SLC7A8: variants seen among roughly 807,000 people sequenced by gnomAD.
SLC7A8 encodes the protein solute carrier family 7 member 8.
Under a neutral mutation model 51.2 loss-of-function variants are expected in SLC7A8, and 30 were observed. That is an observed-to-expected ratio of 0.59 (90% CI 0.44 to 0.80). The LOEUF is 0.80. SLC7A8 is among the 30% of genes least tolerant of loss of function. The pLI is 0.00. For synonymous variants in SLC7A8, 257 were observed against 275.8 expected, an observed-to-expected ratio of 0.93 and a Z score of 0.67; for missense variants, 612 against 674.4, an observed-to-expected ratio of 0.91 and a Z score of 1.03.
At chr14:23,167,385 A>G (rs781303140) in intron 1 of SLC7A8, among the ~76,000 whole-genome samples, 7 of 152,158 alleles carry the variant, frequency 4.6e-5, no homozygotes, top group Non-Finnish European at 8.8e-5. Flanking sequence ...AGAGGGGTTA[A>G]GTGGCTTTCT....
At chr14:23,150,404 C>G (rs913114315) in intron 3 of SLC7A8, among the ~76,000 whole-genome samples, 4 of 152,152 alleles carry the variant, frequency 2.6e-5, no homozygotes, top group African/African-American at 9.7e-5. Context: ...GGAGGAGGAT[C>G]ACCAGCAGCA....
intron 7 of SLC7A8, 126 bp downstream of exon 7, chr14:23,137,795 C>T: frequency 1.6e-6 from 2 of 1,224,692 alleles, no homozygotes; most frequent in African/African-American, 1.5e-5. Flanking sequence ...GCAGTCACCC[C>T]TCTGCAAGCC....
chr14:23,155,588 G>T (rs2048886844), intron 3 of SLC7A8: 4 of 903,782 alleles, frequency 4.4e-6, no homozygotes, highest in Non-Finnish European at 5.7e-6. Flanking sequence ...GCGAAAAACT[G>T]GACACCAAGA....
At position 23,166,461 on chromosome 14, in the gene SLC7A8, G is replaced by A. The variant is rs374742443; in HGVS notation, c.231C>T (p.Ile77=). 19 of 1,614,096 alleles carry A rather than the reference G, an allele frequency of 1.2e-5. No individual in the cohort carries two copies. The highest frequency in any genetic ancestry group is 8.0e-5 in the African/African-American group (6 of 74,940). The change falls in exon 2 of 11, where the codon ATC becomes ATT. Residue 77 remains isoleucine, a synonymous_variant. Coordinates refer to ENST00000316902, the MANE Select transcript of SLC7A8 (RefSeq NM_012244.4). ...ENAGSVGLAL[I]VWIVTGFITV... is the part of the protein sequence containing the mutation. ...TGATGAAGCCCGTCACAATCCAGAC[G>A]ATGAGAGCAAGGCCCACAGAACCAG...
chr14:23,160,565 C>T (rs943962443), intron 3 of SLC7A8, among the ~76,000 whole-genome samples: 15 of 97,812 alleles, frequency 1.5e-4, no homozygotes, highest in African/African-American at 2.4e-4. Flanking sequence ...AGGGAGACTC[C>T]GTCTTAAAAA....
chr14:23,164,654 C>A (rs1256492083), intron 3 of SLC7A8, among the ~76,000 whole-genome samples: 2 of 150,846 alleles, frequency 1.3e-5, no homozygotes, highest in South Asian at 4.2e-4. Context: ...AGAATCCATT[C>A]ATAAAAAACA....
chr14:23,155,168 C>T (rs2048882712), intron 3 of SLC7A8: 2 of 1,535,894 alleles, frequency 1.3e-6, no homozygotes, highest in Non-Finnish European at 1.7e-6. Context: ...GCACTTACAA[C>T]GTTTTAGAAA....
chr14:23,134,794 C>T (rs2048673648), intron 7 of SLC7A8, among the ~76,000 whole-genome samples: 1 of 152,236 alleles, frequency 6.6e-6, no homozygotes, highest in African/African-American at 2.4e-5. Flanking sequence ...CAACCAAGTA[C>T]AGTTGTAAGA....
At chr14:23,129,372 A>C (rs1012714202) in intron 9 of SLC7A8, 7 of 347,982 alleles carry the variant, frequency 2.0e-5, no homozygotes, top group African/African-American at 1.5e-4. Flanking sequence ...AGTCAGCTGG[A>C]GTTTAAGGCT....
intron 7 of SLC7A8, among the ~76,000 whole-genome samples, chr14:23,132,864 G>A (rs571766633): frequency 2.6e-5 from 4 of 151,768 alleles, no homozygotes; most frequent in South Asian, 2.1e-4. Flanking sequence ...TCGAACTCCC[G>A]ACCTCAGGTG....
rs765181232 is a variant in SLC7A8, at chr14:23,140,483, A to G, written c.776T>C (p.Val259Ala). Residue 259 changes from valine to alanine, a missense_variant, in exon 5 of 11, where the codon GTT becomes GCT. By Grantham distance (64) the Val-to-Ala change is moderately conservative. Transcript: ENST00000316902. Reference sequence around the variant, plus strand: ...TCTTTCAACTCACTTGTAGGGATCAACAAGCTCCTCAGTCACGTAATTCAG... The same window carrying G: ...TCTTTCAACTCACTTGTAGGGATCAGCAAGCTCCTCAGTCACGTAATTCAG... ...NFLNYVTEEL[V>A]DPYKNLPRAI... The G allele has an allele frequency of 6.8e-6, 11 of 1,612,768 alleles. No homozygotes were observed. The South Asian group carries it at 1.2e-4, about 18-fold the overall frequency.
At chr14:23,177,153 T>G (rs1876963605) in intron 1 of SLC7A8, among the ~76,000 whole-genome samples, 1 of 152,234 alleles carries the variant, frequency 6.6e-6, no homozygotes, top group South Asian at 2.1e-4. Flanking sequence ...TTATTACAGC[T>G]CTCTGGCCAG....
chr14:23,136,574 G>A (rs2048692303), intron 7 of SLC7A8, among the ~76,000 whole-genome samples: 1 of 152,210 alleles, frequency 6.6e-6, no homozygotes, highest in Non-Finnish European at 1.5e-5. Flanking sequence ...TAAAGAAGGA[G>A]GGAAGGAGAA....
intron 1 of SLC7A8, among the ~76,000 whole-genome samples, chr14:23,180,202 G>A (rs549232247): frequency 5.5e-4 from 84 of 152,164 alleles, no homozygotes; most frequent in East Asian, 4.6e-3. Flanking sequence ...CACCGCACCC[G>A]GCCCTTTTTT....
At position 23,135,968 on chromosome 14, in the gene SLC7A8, T is replaced by C. The variant is rs1407168274; in HGVS notation, c.1016+1953A>G. Among the ~76,000 whole-genome samples, 3 of 152,210 alleles carry C rather than the reference T, an allele frequency of 2.0e-5. No homozygotes were observed. The East Asian group carries it at 5.8e-4, about 29-fold the overall frequency. On this transcript the variant is annotated intron_variant, in intron 7 of 10. Transcript: ENST00000316902. ...TAGAAGCTGTCAACAGTAATTTACA[T>C]GTCAGTGCAAATTGGACCACTTTTT... is the stretch of plus-strand genomic sequence containing the variant.
At position 23,128,014 on chromosome 14, in the gene SLC7A8, C is replaced by T; in HGVS notation, c.1441+5G>A. ...TGAAGCCAGCCAGAGCCTCCAACAA[C>T]TCACCAATGAAGTCACTGAAACACT... On this transcript the variant is annotated splice_donor_5th_base_variant and intron_variant, in intron 10 of 10. Coordinates refer to ENST00000316902, the MANE Select transcript of SLC7A8 (RefSeq NM_012244.4). The surrounding 1 kb of genome is among the most constrained non-coding windows in gnomAD (Gnocchi z 4.3). 6.2e-7 allele frequency: 1 copy of T among 1,612,134 alleles called. No individual in the cohort carries two copies. The highest frequency in any genetic ancestry group is 8.5e-7 in the Non-Finnish European group (1 of 1,178,556).
intron 1 of SLC7A8, among the ~76,000 whole-genome samples, chr14:23,170,646 A>G (rs2048971077): frequency 6.6e-6 from 1 of 152,052 alleles, no homozygotes; most frequent in Non-Finnish European, 1.5e-5. Context: ...ATTAGTAAAG[A>G]TGGGGTTTCA....
intron 4 of SLC7A8, among the ~76,000 whole-genome samples, chr14:23,142,158 C>T (rs774997828): frequency 1.7e-4 from 26 of 152,142 alleles, no homozygotes; most frequent in South Asian, 1.0e-3. Flanking sequence ...AGTAGAAGTC[C>T]GGGCTGCCCA....
At chr14:23,145,499 C>A (rs569130522) in intron 3 of SLC7A8, among the ~76,000 whole-genome samples, 2 of 143,788 alleles carry the variant, frequency 1.4e-5, no homozygotes, top group Non-Finnish European at 3.0e-5. Flanking sequence ...TGTTCTCCAG[C>A]GTGGGTGACA....
Sources: allele counts gnomAD v4.1 joint callset (sites outside exome capture counted in the v4.1 genomes callset), GRCh38; gene constraint gnomAD v4.1.1; non-coding constraint Gnocchi (gnomAD v3.1); transcripts MANE v1.5; gene names NCBI Gene and HGNC (gene_info 2026-07-23, HGNC 2026-07-21).